ARHGEF11: variants seen among roughly 807,000 people sequenced by gnomAD.
ARHGEF11 encodes the protein Rho guanine nucleotide exchange factor 11.
In ARHGEF11, 55 loss-of-function variants were observed where a neutral mutation model predicts 193.7. The observed-to-expected ratio is 0.28, with a 90% CI of 0.23 to 0.36. The LOEUF is 0.36. Among genes scored for constraint, ARHGEF11 ranks in the 10% least tolerant of loss-of-function variants. The pLI is 1.00. For missense variants in ARHGEF11, 1,723 were observed against 2,005.6 expected (o/e 0.86, Z 2.69); for synonymous variants, 693 against 768.0 (o/e 0.90, Z 1.62).
Position 156,984,376 on chromosome 1 carries a change from A to G in ARHGEF11, c.186T>C (p.Ser62=), listed in dbSNP as rs1373604541. The change falls in exon 3 of 41, where the codon AGT becomes AGC. Residue 62 remains serine, a synonymous_variant. Transcript: ENST00000368194. The part of the protein sequence containing the change: ...KDQHGFGFTV[S]GDRIVLVQSV... Reference sequence around the variant, plus strand: ...ACTGCACCAGAACAATGCGATCCCCACTGACTGTGAAGCCGAAGCCATGCT... The same window carrying G: ...ACTGCACCAGAACAATGCGATCCCCGCTGACTGTGAAGCCGAAGCCATGCT... The G allele has an allele frequency of 1.3e-6, 2 of 1,598,702 alleles. No individual in the cohort carries two copies. The highest frequency in any genetic ancestry group is 1.1e-5 in the South Asian group (1 of 87,950).
intron 1 of ARHGEF11, among the ~76,000 whole-genome samples, chr1:157,016,225 ATTTAT>A (rs1222042325): frequency 2.0e-5 from 3 of 152,000 alleles, no homozygotes; most frequent in African/African-American, 2.4e-5. Flanking sequence ...TACTGTTTTT[ATTTAT>A]TTTATCTTTT....
Position 156,947,440 on chromosome 1 carries a change from C to A in ARHGEF11, c.2352G>T (p.Val784=). The A allele has an allele frequency of 6.2e-7, 1 of 1,605,582 alleles. No homozygotes were observed. Among genetic ancestry groups the A allele is most frequent in the South Asian group, 1.1e-5 (1 of 89,312 alleles). ...GTGTGCGCAGGTGGGAAGCTTCAGT[C>A]ACAAACAGCTCTGAGCGGTGGTTGT... ...DRQEVINELF[V]TEASHLRTLR... Residue 784 remains valine (V), a synonymous_variant, in exon 26 of 41, where the codon GTG becomes GTT. Coordinates refer to ENST00000368194, the MANE Select transcript of ARHGEF11 (RefSeq NM_198236.3).
In ARHGEF11 at chr1:156,946,690, T is replaced by G; in HGVS notation, c.2666A>C (p.Lys889Thr). ...ALELIKTKQR[K>T]ESRFQLFMQE... is the part of the protein sequence containing the mutation. Reference sequence around the variant, plus strand: ...CATGAAGAGCTGGAATCGACTCTCCTTGCGTTGCTTGGTCTTGATTAGCTC... The same window carrying G: ...CATGAAGAGCTGGAATCGACTCTCCGTGCGTTGCTTGGTCTTGATTAGCTC... Residue 889 changes from lysine (K) to threonine (T), a missense_variant, in exon 28 of 41, where the codon AAG (lysine) becomes ACG (threonine). By Grantham distance (78) the Lys-to-Thr change is moderately conservative. This residue lies in a region of ARHGEF11 where 491 missense variants were observed against 654.5 expected (regional missense o/e 0.75). Transcript: ENST00000368194. 3 of 1,614,240 alleles carry G rather than the reference T, an allele frequency of 1.9e-6. No individual in the cohort carries two copies. Among genetic ancestry groups the G allele is most frequent in the Non-Finnish European group, 2.5e-6 (3 of 1,180,040 alleles).
At chr1:157,025,846 G>A (rs1670571684) in intron 1 of ARHGEF11, among the ~76,000 whole-genome samples, 1 of 152,222 alleles carries the variant, frequency 6.6e-6, no homozygotes, top group Non-Finnish European at 1.5e-5. Flanking sequence ...GTCACTTGGA[G>A]GGAGATGGCT....
intron 9 of ARHGEF11, 85 bp from the exon 10 acceptor site, chr1:156,969,443 G>A: frequency 1.5e-6 from 2 of 1,301,156 alleles, no homozygotes; most frequent in Non-Finnish European, 2.2e-6. Context: ...TGTGTGCAGG[G>A]CAGGAAGAGG....
intron 1 of ARHGEF11, among the ~76,000 whole-genome samples, chr1:156,987,361 C>T (rs1039558908): frequency 2.0e-5 from 3 of 152,122 alleles, no homozygotes; most frequent in African/African-American, 7.2e-5. Context: ...ATACATGATA[C>T]AGAATATCTC....
At chr1:157,032,453 C>A (rs1671420654) in intron 1 of ARHGEF11, among the ~76,000 whole-genome samples, 1 of 152,176 alleles carries the variant, frequency 6.6e-6, no homozygotes, top group African/African-American at 2.4e-5. Context: ...ATCCTCAGGC[C>A]CCAAACTCAG....
chr1:156,992,636 AAGTT>A (rs1665913382), intron 1 of ARHGEF11, among the ~76,000 whole-genome samples: 1 of 152,064 alleles, frequency 6.6e-6, no homozygotes, highest in Non-Finnish European at 1.5e-5. Context: ...TATATTTTAA[AAGTT>A]AGTTGCTAAG....
chr1:156,968,055 T>C lies in ARHGEF11; in HGVS notation c.895A>G (p.Met299Val), dbSNP rs775776456. 4 of 1,614,122 alleles carry C rather than the reference T, an allele frequency of 2.5e-6. No individual in the cohort carries two copies. The highest frequency in any genetic ancestry group is 2.2e-5 in the East Asian group (1 of 44,902). The change falls in exon 11 of 41, where the codon ATG becomes GTG. Residue 299 changes from methionine (M) to valine (V), a missense_variant. Transcript: ENST00000368194. ...LDSPRTSPVI[M>V]ARVAQHHRRQ... ...CTGTGGTGCTGGGCCACCCTGGCCA[T>C]GATCACAGGGGAGGTTCGAGGACTG...
Position 156,969,263 on chromosome 1 carries a change from T to G in ARHGEF11, c.825+19A>C, listed in dbSNP as rs757415864. On this transcript the variant is annotated intron_variant, in intron 10 of 40. Coordinates refer to ENST00000368194, the MANE Select transcript of ARHGEF11 (RefSeq NM_198236.3). ...CCCGAATGCACGTTCTGAATGGGCC[T>G]TGCCCTGCTGGGACTCACCTCACTG... 9 of 1,577,858 alleles carry G rather than the reference T, an allele frequency of 5.7e-6. No individual in the cohort carries two copies. In the South Asian group the frequency reaches 1.0e-4, roughly 18 times the overall value.
chr1:156,996,151 G>A (rs1666455401), intron 1 of ARHGEF11, among the ~76,000 whole-genome samples: 3 of 152,184 alleles, frequency 2.0e-5, no homozygotes, highest in Admixed American at 2.0e-4. Flanking sequence ...TATGGACTTA[G>A]GCGGAGAGTA....
rs1330132648 is a variant in ARHGEF11, at chr1:156,977,072, G to A, written c.511-18C>T. ...TCGGGATCCTAGACATGGAAAATAT[G>A]GCAATATAAGAGTTAGGGACTAACT... On this transcript the variant is annotated intron_variant, in intron 6 of 40. Coordinates refer to ENST00000368194, the MANE Select transcript of ARHGEF11 (RefSeq NM_198236.3). 1 of 1,611,152 alleles carries A rather than the reference G, an allele frequency of 6.2e-7. No individual in the cohort carries two copies. The highest frequency in any genetic ancestry group is 8.5e-7 in the Non-Finnish European group (1 of 1,177,382).
intron 1 of ARHGEF11, among the ~76,000 whole-genome samples, chr1:156,999,640 A>G (rs562723046): frequency 2.4e-4 from 37 of 152,320 alleles, no homozygotes; most frequent in African/African-American, 8.4e-4. Flanking sequence ...TGCATTGGTG[A>G]TATCCACAAG....
chr1:157,013,259 T>TCACACACACACACACA (rs567488551), intron 1 of ARHGEF11, among the ~76,000 whole-genome samples: 4,548 of 109,434 alleles, frequency 0.042, 357 homozygotes, highest in Middle Eastern at 0.056. Context: ...CTCCCCACTA[T>TCACACACACACACACA]CACTCACACA....
chr1:157,023,071 G>A (rs1330155299), intron 1 of ARHGEF11, among the ~76,000 whole-genome samples: 4 of 152,238 alleles, frequency 2.6e-5, no homozygotes, highest in East Asian at 3.9e-4. Context: ...GTAAATCTTC[G>A]TGACTTTTGA....
intron 2 of ARHGEF11, among the ~76,000 whole-genome samples, chr1:156,985,423 T>C (rs1469038851): frequency 6.6e-6 from 1 of 152,164 alleles, no homozygotes; most frequent in East Asian, 1.9e-4. Flanking sequence ...CATCTCTGTG[T>C]CCATGTGGGT....
intron 11 of ARHGEF11, among the ~76,000 whole-genome samples, chr1:156,965,238 A>G (rs1661527057): frequency 1.3e-5 from 2 of 152,216 alleles, no homozygotes; most frequent in South Asian, 2.1e-4. Context: ...ACCTGCTTCT[A>G]TGAGCCACCT....
At position 156,939,783 on chromosome 1, in the gene ARHGEF11, G is replaced by A. The variant is rs1246056300; in HGVS notation, c.3861C>T (p.Pro1287=). ...CTTGCCCTGGGGAGCCTGGGTCCCA[G>A]GGGTGAGAGGTGACGCTGATGACAG... ...TPSVISVTSH[P]WDPGSPGQAP... is the part of the protein sequence containing the mutation. Residue 1287 remains proline (P), a synonymous_variant, in exon 37 of 41, where the codon CCC becomes CCT. Transcript: ENST00000368194. 5 of 1,613,922 alleles carry A rather than the reference G, an allele frequency of 3.1e-6. No homozygotes were observed. Among genetic ancestry groups the A allele is most frequent in the Admixed American group, 1.7e-5 (1 of 59,986 alleles).
In ARHGEF11 at chr1:156,954,901, G is replaced by A. The variant is rs891871634; in HGVS notation, c.1789C>T (p.Pro597Ser). 4 of 1,608,458 alleles carry A rather than the reference G, an allele frequency of 2.5e-6. No individual in the cohort carries two copies. The highest frequency in any genetic ancestry group is 1.7e-5 in the Admixed American group (1 of 59,044). The change falls in exon 21 of 41, where the codon CCT (proline) becomes TCT (serine). Residue 597 changes from proline (P) to serine (S), a missense_variant. Pro to Ser is a moderately conservative substitution (Grantham distance 74). Coordinates refer to ENST00000368194, the MANE Select transcript of ARHGEF11 (RefSeq NM_198236.3). ...AAAATGGTCCTTTTACCTTCCACAG[G>A]GGACAAGGGAATATGAAATGCTAAA... ...SQSTFHIPLS[P>S]VEVKPGNVRN... is the part of the protein sequence containing the mutation.
Sources: gnomAD v4.1 joint callset for allele counts (sites outside exome capture counted in the v4.1 genomes callset) on GRCh38, gnomAD v4.1.1 for gene constraint, gnomAD v4.1.1 regional missense constraint, MANE v1.5 for transcripts, NCBI Gene and HGNC (gene_info 2026-07-23, HGNC 2026-07-21) for gene names.